PHEX: variants seen among roughly 807,000 people sequenced by gnomAD.
PHEX encodes phosphate regulating endopeptidase X-linked.
Under a neutral mutation model 68.0 loss-of-function variants are expected in PHEX, and 16 were observed. The observed-to-expected ratio is 0.24, with a 90% CI of 0.16 to 0.36. The LOEUF (loss-of-function observed/expected upper bound fraction) is 0.36, where lower values mean the gene tolerates loss of function less well. Ranked by LOEUF, PHEX falls within the 10% of genes least tolerant of loss-of-function variation. The pLI, the probability that PHEX is intolerant of heterozygous loss-of-function variation, is 1.00. For missense variants in PHEX, 480 were observed against 575.5 expected, an observed-to-expected ratio of 0.83 and a Z score of 1.70; for synonymous variants, 208 against 205.1, an observed-to-expected ratio of 1.01 and a Z score of -0.12.
intron 3 of PHEX, among the ~76,000 whole-genome samples, chrX:22,063,079 C>T (rs1928446357): frequency 1.8e-5 from 2 of 110,908 alleles, no homozygotes; most frequent in Non-Finnish European, 3.8e-5. Context: ...GGATTTTTAA[C>T]GACCTCCCTC....
rs775888170 is a variant in PHEX at position 22,234,123 on chromosome X, G to A, written c.2070+6512G>A. Among the ~76,000 whole-genome samples, 3 of 113,093 alleles carry A rather than the reference G, an allele frequency of 2.7e-5. No individual in the cohort carries two copies. The South Asian group carries it at 1.1e-3, about 41-fold the overall frequency. ...TACCTGGGTATCACCAGCAGAGGCTGCAGAACAGCAAAAATTGCTGCCTGT... is the reference window on the plus strand; with the variant it reads ...TACCTGGGTATCACCAGCAGAGGCTACAGAACAGCAAAAATTGCTGCCTGT... On this transcript the variant is annotated intron_variant, in intron 20 of 21. Coordinates refer to ENST00000379374, the MANE Select transcript of PHEX (RefSeq NM_000444.6).
At chrX:22,188,924 A>T (rs750608333) in intron 14 of PHEX, among the ~76,000 whole-genome samples, 1 of 111,872 alleles carries the variant, frequency 8.9e-6, no homozygotes, top group Non-Finnish European at 1.9e-5. Context: ...CGCCCTTCCC[A>T]ACCTCTGGTA....
intron 5 of PHEX, among the ~76,000 whole-genome samples, chrX:22,083,341 C>G (rs1929479548): frequency 8.9e-6 from 1 of 111,867 alleles, no homozygotes; most frequent in Non-Finnish European, 1.9e-5. Context: ...ATCGCTTTGG[C>G]TATTTGGGGT....
In PHEX at chrX:22,225,675, C is replaced by T. The variant is rs182933698; in HGVS notation, c.1900-768C>T. On this transcript the variant is annotated intron_variant, in intron 18 of 21. Coordinates refer to ENST00000379374, the MANE Select transcript of PHEX (RefSeq NM_000444.6). The stretch of plus-strand genomic sequence containing the variant: ...CATATAAGTAATTTTCATGTGCCAC[C>T]ACAATATTATTCTTCTTTTGATTTT... Among the ~76,000 whole-genome samples the T allele has an allele frequency of 4.0e-3, 454 of 112,264 alleles. 2 individuals carry two copies. Among genetic ancestry groups the T allele is most frequent in the Non-Finnish European group, 5.8e-3 (310 of 53,255 alleles).
At chrX:22,193,467 A>ATTTAT (rs777631848) in intron 15 of PHEX, among the ~76,000 whole-genome samples, 3,691 of 111,411 alleles carry the variant, frequency 0.033, 178 homozygotes, top group African/African-American at 0.11. Context: ...ATAAAACTTT[A>ATTTAT]TTTATATAGG....
chrX:22,058,191 A>C (rs762328332), intron 3 of PHEX, among the ~76,000 whole-genome samples: 2 of 106,765 alleles, frequency 1.9e-5, no homozygotes, highest in African/African-American at 7.0e-5. Flanking sequence ...TGAGAAAAGA[A>C]AAAAAAAAAG....
chrX:22,125,555 T>C (rs1408135535), intron 11 of PHEX, among the ~76,000 whole-genome samples: 1 of 111,406 alleles, frequency 9.0e-6, no homozygotes, highest in Non-Finnish European at 1.9e-5. Flanking sequence ...TTTTAAACCA[T>C]TCCAAGCTGT....
intron 14 of PHEX, among the ~76,000 whole-genome samples, chrX:22,188,068 CAG>C (rs1327417771): frequency 9.0e-6 from 1 of 111,701 alleles, no homozygotes; most frequent in Non-Finnish European, 1.9e-5. Flanking sequence ...ATAATGATAA[CAG>C]AATGACATAT....
chrX:22,181,424 G>A (rs980093428), intron 14 of PHEX, among the ~76,000 whole-genome samples: 1 of 111,615 alleles, frequency 9.0e-6, no homozygotes, highest in African/African-American at 3.3e-5. Context: ...TGTCTATTCA[G>A]ATCTTTGTGT....
intron 15 of PHEX, among the ~76,000 whole-genome samples, chrX:22,204,419 C>T (rs1934647765): frequency 8.9e-6 from 1 of 112,362 alleles, no homozygotes; most frequent in South Asian, 3.7e-4. Flanking sequence ...GAGTTTAAAA[C>T]ATATTTCAAT....
intron 1 of PHEX, among the ~76,000 whole-genome samples, chrX:22,035,806 C>G (rs921244574): frequency 9.1e-6 from 1 of 110,078 alleles, no homozygotes; most frequent in African/African-American, 3.3e-5. Context: ...AGCTCCTAAC[C>G]ATTCAAAAGT....
chrX:22,077,431 C>T, intron 4 of PHEX, 45 bp from the exon 5 acceptor site: 1 of 1,048,759 alleles, frequency 9.5e-7, no homozygotes, highest in Non-Finnish European at 1.3e-6. Flanking sequence ...GTGTGCTGAT[C>T]CAGTTTGCAA....
chrX:22,146,004 T>G (rs188573433), intron 12 of PHEX, among the ~76,000 whole-genome samples: 1 of 112,478 alleles, frequency 8.9e-6, no homozygotes, highest in East Asian at 2.8e-4. Context: ...GTTATGATCA[T>G]CATTCACTGA....
In PHEX at chrX:22,249,852, A is replaced by G. The variant is rs1438551847; in HGVS notation, c.*1899A>G. 2 of 111,086 alleles carry G rather than the reference A, an allele frequency of 1.8e-5. No individual in the cohort carries two copies. The highest frequency in any genetic ancestry group is 3.8e-5 in the Non-Finnish European group (2 of 53,052). 9.2% of individuals were successfully genotyped at this position (111,086 alleles called of 1,213,427 possible). A position where few individuals can be genotyped will look rare whatever the true frequency, so the allele number is the denominator to read the frequency against. ...GCTGAGGTTTATCATGCTTATATGA[A>G]TAGTGTTTCCCTTCTAGATTTCCTT... On this transcript the variant is annotated 3_prime_UTR_variant, in exon 22 of 22. Coordinates refer to ENST00000379374, the MANE Select transcript of PHEX (RefSeq NM_000444.6).
chrX:22,098,257 G>T (rs1391287457), intron 8 of PHEX, among the ~76,000 whole-genome samples: 1 of 108,037 alleles, frequency 9.3e-6, no homozygotes, highest in African/African-American at 3.4e-5. Flanking sequence ...AGGAGGAAGA[G>T]AAATGCAGGA....
chrX:22,215,732 C>T (rs200720796), intron 16 of PHEX, among the ~76,000 whole-genome samples: 2 of 110,939 alleles, frequency 1.8e-5, no homozygotes, highest in East Asian at 5.6e-4. Flanking sequence ...TGACCCCAGC[C>T]CCCCACCACC....
intron 20 of PHEX, among the ~76,000 whole-genome samples, chrX:22,238,111 C>T (rs1305949227): frequency 8.9e-6 from 1 of 111,936 alleles, no homozygotes; most frequent in Admixed American, 9.5e-5. Context: ...ATGGCAAAAC[C>T]CCATCTCTAC....
Position 22,223,605 on chromosome X carries a change from C to T in PHEX, c.1899+1862C>T, listed in dbSNP as rs147294223. Among the ~76,000 whole-genome samples the T allele has an allele frequency of 3.9e-3, 434 of 111,085 alleles. 3 individuals are homozygous for T. The highest frequency in any genetic ancestry group is 0.013 in the African/African-American group (400 of 30,518). Reference sequence around the variant, plus strand: ...ACAGAAAATTTTTTAAAAAATTAGCCGGGTGTAGTGGTGCATGCCTGTAGT... The same window carrying T: ...ACAGAAAATTTTTTAAAAAATTAGCTGGGTGTAGTGGTGCATGCCTGTAGT... On this transcript the variant is annotated intron_variant, in intron 18 of 21. Coordinates refer to ENST00000379374, the MANE Select transcript of PHEX (RefSeq NM_000444.6).
chrX:22,202,912 A>G (rs939356081), intron 15 of PHEX, among the ~76,000 whole-genome samples: 1 of 111,708 alleles, frequency 9.0e-6, no homozygotes, highest in Non-Finnish European at 1.9e-5. Flanking sequence ...ATAGATGGGG[A>G]TTATCTGGCC....
Sources: allele counts gnomAD v4.1 joint callset (sites outside exome capture counted in the v4.1 genomes callset), GRCh38; gene constraint gnomAD v4.1.1; transcripts MANE v1.5; gene names NCBI Gene and HGNC (gene_info 2026-07-23, HGNC 2026-07-21).